The following PCP4L1 variants were observed in gnomAD, a reference collection of about 807,000 sequenced individuals.
PCP4L1 encodes Purkinje cell protein 4-like protein 1.
A neutral mutation model predicts 9.6 loss-of-function variants in PCP4L1; 9 were observed. That is an observed-to-expected ratio of 0.94 (90% confidence interval 0.57 to 1.64). PCP4L1 has a LOEUF of 1.64. PCP4L1 is among the 40% of genes most tolerant of loss of function. The pLI, the probability that PCP4L1 is intolerant of heterozygous loss-of-function variation, is 0.00. For synonymous variants in PCP4L1, 31 were observed against 28.2 expected, an observed-to-expected ratio of 1.10 and a Z score of -0.31; for missense variants, 81 against 80.8, an observed-to-expected ratio of 1.00 and a Z score of -0.01.
intron 1 of PCP4L1, among the ~76,000 whole-genome samples, chr1:161,276,947 A>C (rs764998819): frequency 6.6e-5 from 10 of 152,066 alleles, no homozygotes; most frequent in Non-Finnish European, 1.3e-4. Context: ...GGAACCATTT[A>C]CCAGAAATGA....
intron 1 of PCP4L1, among the ~76,000 whole-genome samples, chr1:161,281,671 G>A (rs1288465873): frequency 6.6e-6 from 1 of 151,790 alleles, no homozygotes; most frequent in African/African-American, 2.4e-5. Context: ...CTTCCCAGAC[G>A]GGGTGGCTGC....
chr1:161,267,511 T>C (rs561934683), intron 1 of PCP4L1, among the ~76,000 whole-genome samples: 1 of 152,296 alleles, frequency 6.6e-6, no homozygotes, highest in East Asian at 1.9e-4. Flanking sequence ...TCTTCCCTTT[T>C]CTGGTGACAG....
At chr1:161,266,989 G>C in intron 1 of PCP4L1, among the ~76,000 whole-genome samples, 1 of 152,116 alleles carries the variant, frequency 6.6e-6, no homozygotes, top group Non-Finnish European at 1.5e-5. Context: ...AGGGTCCCAG[G>C]GTGGAGTGGG....
chr1:161,284,470 C>T lies in PCP4L1; in HGVS notation c.196C>T (p.Pro66Ser), dbSNP rs1430625368. The T allele has an allele frequency of 1.2e-6, 2 of 1,613,226 alleles. No individual in the cohort carries two copies. Among genetic ancestry groups the T allele is most frequent in the Non-Finnish European group, 1.7e-6 (2 of 1,179,580 alleles). Residue 66 changes from proline to serine, a missense_variant, in exon 3 of 3, where the codon CCC (proline) becomes TCC (serine). Transcript: ENST00000504449. Reference sequence around the variant, plus strand: ...GCGATTTCAGAAAAGGAAAAAGGATCCCAGCTCCTGAATGGCCAGGCTTGC... The same window carrying T: ...GCGATTTCAGAAAAGGAAAAAGGATTCCAGCTCCTGAATGGCCAGGCTTGC... Reference protein sequence around the residue: ...FRRFQKRKKDPSS With the variant: ...FRRFQKRKKDSSS
intron 1 of PCP4L1, among the ~76,000 whole-genome samples, chr1:161,282,193 C>T (rs1009780371): frequency 1.3e-5 from 2 of 151,422 alleles, no homozygotes; most frequent in Non-Finnish European, 2.9e-5. Flanking sequence ...GAGACCAGCC[C>T]GACCAACACA....
intron 1 of PCP4L1, among the ~76,000 whole-genome samples, chr1:161,280,660 A>G (rs1669778997): frequency 1.3e-5 from 2 of 152,072 alleles, no homozygotes; most frequent in Admixed American, 1.3e-4. Context: ...GCAAAACTCA[A>G]TGGTCAATCC....
chr1:161,264,318 A>G (rs1054347196), intron 1 of PCP4L1, among the ~76,000 whole-genome samples: 1 of 151,774 alleles, frequency 6.6e-6, no homozygotes, highest in Non-Finnish European at 1.5e-5. Flanking sequence ...GGAGTTCGAG[A>G]CCAGCCTGGC....
At chr1:161,283,836 A>T in intron 2 of PCP4L1, 114 bp downstream of exon 2, 1 of 1,090,680 alleles carries the variant, frequency 9.2e-7, no homozygotes, top group Non-Finnish European at 1.3e-6. Flanking sequence ...AAGAATGTGG[A>T]TAAGTGAAAC....
Position 161,268,966 on chromosome 1 carries a change from C to G in PCP4L1, c.9+9983C>G, listed in dbSNP as rs528496689. The stretch of plus-strand genomic sequence containing the variant: ...AGGAATGACAGAGCTGAGATTTGAA[C>G]AGATAGTCAATGCAGATCCAGGGTA... On this transcript the variant is annotated intron_variant, in intron 1 of 2. Transcript: ENST00000504449. Among the ~76,000 whole-genome samples the G allele has an allele frequency of 5.9e-5, 9 of 152,340 alleles. No homozygotes were observed. In the South Asian group the frequency reaches 1.9e-3, roughly 32 times the overall value.
intron 1 of PCP4L1, among the ~76,000 whole-genome samples, chr1:161,268,968 G>C (rs545020874): frequency 6.6e-6 from 1 of 152,246 alleles, no homozygotes; most frequent in Non-Finnish European, 1.5e-5. Flanking sequence ...GATTTGAACA[G>C]ATAGTCAATG....
intron 1 of PCP4L1, among the ~76,000 whole-genome samples, chr1:161,273,123 C>T (rs1669648560): frequency 1.3e-5 from 2 of 152,100 alleles, no homozygotes. Flanking sequence ...AAAGAGTACT[C>T]ATGGGGAATT....
chr1:161,278,062 C>G (rs1669731540), intron 1 of PCP4L1, among the ~76,000 whole-genome samples: 1 of 151,972 alleles, frequency 6.6e-6, no homozygotes, highest in African/African-American at 2.4e-5. Flanking sequence ...TAATTATCCC[C>G]TCTCCTGTAT....
intron 1 of PCP4L1, among the ~76,000 whole-genome samples, chr1:161,276,022 T>G (rs1222806438): frequency 6.6e-6 from 1 of 152,092 alleles, no homozygotes; most frequent in Non-Finnish European, 1.5e-5. Context: ...CTCGAACTCC[T>G]GACCTCAAAT....
At chr1:161,270,578 AAAG>A (rs963212089) in intron 1 of PCP4L1, among the ~76,000 whole-genome samples, 1 of 150,868 alleles carries the variant, frequency 6.6e-6, no homozygotes, top group African/African-American at 2.4e-5. Context: ...TCAAAAAAAA[AAAG>A]AGAGACCCCA....
rs1669877094 is a variant in PCP4L1, at chr1:161,284,565, C to A, written c.*84C>A. On this transcript the variant is annotated 3_prime_UTR_variant, in exon 3 of 3. Transcript: ENST00000504449. ...ACACCCATGTATCTTTATCCCTTGT[C>A]CCTCTAGCCTTTCCTTGAGGCAAGT... 5 of 1,521,062 alleles carry A rather than the reference C, an allele frequency of 3.3e-6. No individual in the cohort carries two copies. Among genetic ancestry groups the A allele is most frequent in the Non-Finnish European group, 3.5e-6 (4 of 1,128,734 alleles). 94.2% of individuals were successfully genotyped at this position (1,521,062 alleles called of 1,614,324 possible).
At chr1:161,277,703 G>A (rs1669721731) in intron 1 of PCP4L1, among the ~76,000 whole-genome samples, 1 of 152,082 alleles carries the variant, frequency 6.6e-6, no homozygotes, top group Non-Finnish European at 1.5e-5. Flanking sequence ...GCCTAGGCTG[G>A]TCTTGGACCC....
chr1:161,263,785 C>T (rs1213635999), intron 1 of PCP4L1, among the ~76,000 whole-genome samples: 1 of 150,146 alleles, frequency 6.7e-6, no homozygotes, highest in Non-Finnish European at 1.5e-5. Context: ...GGTTTCACCA[C>T]GTTGCCCATG....
At chr1:161,259,059 C>T (rs924713576) in intron 1 of PCP4L1, 76 bp downstream of exon 1, 24 of 1,505,974 alleles carry the variant, frequency 1.6e-5, no homozygotes, top group Non-Finnish European at 2.1e-5. Flanking sequence ...CCCAGGGAGG[C>T]GAGGGAGAGC....
Position 161,285,278 on chromosome 1 carries a change from A to G in PCP4L1, c.*797A>G, listed in dbSNP as rs1669891506. The G allele has an allele frequency of 6.6e-6, 1 of 152,334 alleles. No homozygotes were observed. Among genetic ancestry groups the G allele is most frequent in the African/African-American group, 2.4e-5 (1 of 41,424 alleles). The allele number at this position is 152,334 out of a possible 1,614,324, so 9.4% of individuals were successfully genotyped here. A position where few individuals can be genotyped will look rare whatever the true frequency, so the allele number is the denominator to read the frequency against. ...GGGCTTTGCTAACCTGCTCACCGCT[A>G]ACCCTCCAAGTCTAACCATCCCCAG... On this transcript the variant is annotated 3_prime_UTR_variant, in exon 3 of 3. Coordinates refer to ENST00000504449, the MANE Select transcript of PCP4L1 (RefSeq NM_001102566.2).
Sources: allele counts gnomAD v4.1 joint callset (sites outside exome capture counted in the v4.1 genomes callset), GRCh38; gene constraint gnomAD v4.1.1; transcripts MANE v1.5; gene names NCBI Gene and HGNC (gene_info 2026-07-23, HGNC 2026-07-21).